GRIA2: variants seen among roughly 807,000 people sequenced by gnomAD.
GRIA2 encodes the protein glutamate receptor 2.
GRIA2 carries 14 observed loss-of-function variants against 97.3 expected under a neutral mutation model. That is an observed-to-expected ratio of 0.14 (90% CI 0.10 to 0.23). The LOEUF is 0.23. Among genes scored for constraint, GRIA2 ranks in the 10% least tolerant of loss-of-function variants. The pLI, the probability that GRIA2 is intolerant of heterozygous loss-of-function variation, is 1.00. For missense variants in GRIA2, 558 were observed against 1,069.8 expected (o/e 0.52, Z 6.67); for synonymous variants, 412 against 387.8 (o/e 1.06, Z -0.73).
intron 2 of GRIA2, among the ~76,000 whole-genome samples, chr4:157,298,358 T>G (rs1471335380): frequency 6.6e-6 from 1 of 152,010 alleles, no homozygotes; most frequent in African/African-American, 2.4e-5. Context: ...AGAATAAAAT[T>G]TAAATGGTGA....
chr4:157,323,191 C>T (rs1734655130), intron 6 of GRIA2, among the ~76,000 whole-genome samples: 1 of 151,484 alleles, frequency 6.6e-6, no homozygotes, highest in South Asian at 2.1e-4. Flanking sequence ...AAAAATTAGC[C>T]GGGCGTGGTG....
intron 2 of GRIA2, among the ~76,000 whole-genome samples, chr4:157,228,881 A>G (rs1729875674): frequency 1.3e-5 from 2 of 148,742 alleles, no homozygotes; most frequent in Non-Finnish European, 3.0e-5. Context: ...CCTTGTTACA[A>G]GTGGGTAGAA....
rs1208803109 is a variant in GRIA2, at chr4:157,354,097, A to G, written c.2044-5799A>G. Among the ~76,000 whole-genome samples the G allele has an allele frequency of 4.6e-5, 7 of 152,334 alleles. No individual in the cohort carries two copies. In the East Asian group the frequency reaches 1.4e-3, roughly 29 times the overall value. On this transcript the variant is annotated intron_variant, in intron 12 of 15. Coordinates refer to ENST00000264426, the MANE Select transcript of GRIA2 (RefSeq NM_001083619.3). Reference sequence around the variant, plus strand: ...GACAGTTTGAATACAAATTCTTTTAATCCAAAAACTGAAACATGACATTTT... The same window carrying G: ...GACAGTTTGAATACAAATTCTTTTAGTCCAAAAACTGAAACATGACATTTT...
At chr4:157,300,085 A>G (rs1468410070) in intron 2 of GRIA2, among the ~76,000 whole-genome samples, 1 of 151,966 alleles carries the variant, frequency 6.6e-6, no homozygotes, top group Non-Finnish European at 1.5e-5. Flanking sequence ...GTTATTTCTG[A>G]TAGTCTCGGT....
chr4:157,284,403 G>T (rs1732746249), intron 2 of GRIA2, among the ~76,000 whole-genome samples: 1 of 151,610 alleles, frequency 6.6e-6, no homozygotes, highest in South Asian at 2.1e-4. Flanking sequence ...CTTTAATCAG[G>T]TTTTCATATG....
chr4:157,240,640 G>A (rs934700200), intron 2 of GRIA2, among the ~76,000 whole-genome samples: 24 of 151,384 alleles, frequency 1.6e-4, no homozygotes, highest in Non-Finnish European at 2.8e-4. Flanking sequence ...GTCTGAACCC[G>A]TCGATTTTAA....
At chr4:157,311,561 G>A (rs1204308384) in intron 3 of GRIA2, among the ~76,000 whole-genome samples, 1 of 151,780 alleles carries the variant, frequency 6.6e-6, no homozygotes, top group Non-Finnish European at 1.5e-5. Flanking sequence ...CTTTTTCATA[G>A]CAAAAAGATT....
At chr4:157,330,580 A>G (rs1189598144) in intron 6 of GRIA2, among the ~76,000 whole-genome samples, 4 of 151,900 alleles carry the variant, frequency 2.6e-5, no homozygotes, top group African/African-American at 7.2e-5. Context: ...GTTTTCTGGT[A>G]TCAGAGATCA....
At chr4:157,317,466 A>G (rs1734373078) in intron 4 of GRIA2, among the ~76,000 whole-genome samples, 192 bp from the exon 5 acceptor site, 1 of 152,072 alleles carries the variant, frequency 6.6e-6, no homozygotes, top group Admixed American at 6.5e-5. Flanking sequence ...GTTAATATGT[A>G]TTATTACTTT....
intron 2 of GRIA2, among the ~76,000 whole-genome samples, chr4:157,291,662 A>G (rs187198769): frequency 6.6e-6 from 1 of 152,152 alleles, no homozygotes; most frequent in African/African-American, 2.4e-5. Flanking sequence ...TCCCATATTA[A>G]TGGTATACTT....
chr4:157,355,915 T>TAATATATTTATATATAAATATATATATC (rs1736288411), intron 12 of GRIA2, among the ~76,000 whole-genome samples: 1 of 44,842 alleles, frequency 2.2e-5, no homozygotes, highest in African/African-American at 5.6e-5. Context: ...ATATATATAT[T>TAATATATTTATATATAAATATATATATC]AATATATTTA....
chr4:157,222,533 G>T (rs1410108684), intron 2 of GRIA2, among the ~76,000 whole-genome samples: 1 of 152,118 alleles, frequency 6.6e-6, no homozygotes, highest in South Asian at 2.1e-4. Flanking sequence ...GCTCAGTTGC[G>T]CTTCCGCTTA....
At chr4:157,269,496 T>C (rs761563955) in intron 2 of GRIA2, among the ~76,000 whole-genome samples, 2 of 152,070 alleles carry the variant, frequency 1.3e-5, no homozygotes, top group Admixed American at 1.3e-4. Context: ...GGTAGGTAAC[T>C]TGGCCAAGAT....
chr4:157,296,611 C>T (rs1454388929), intron 2 of GRIA2, among the ~76,000 whole-genome samples: 1 of 152,000 alleles, frequency 6.6e-6, no homozygotes, highest in Non-Finnish European at 1.5e-5. Flanking sequence ...TTAATAGCCC[C>T]ATTCAATAGA....
At chr4:157,320,637 A>C (rs1332985499) in intron 5 of GRIA2, among the ~76,000 whole-genome samples, 1 of 152,088 alleles carries the variant, frequency 6.6e-6, no homozygotes, top group Non-Finnish European at 1.5e-5. Flanking sequence ...AGATTCTCCT[A>C]AGTTTTGGGG....
At chr4:157,240,676 T>C (rs1322055511) in intron 2 of GRIA2, among the ~76,000 whole-genome samples, 3 of 152,026 alleles carry the variant, frequency 2.0e-5, no homozygotes, top group Non-Finnish European at 2.9e-5. Flanking sequence ...TCTGATTTTC[T>C]CTAGAGCACC....
chr4:157,327,511 A>G (rs1734857090), intron 6 of GRIA2, among the ~76,000 whole-genome samples: 1 of 152,162 alleles, frequency 6.6e-6, no homozygotes, highest in African/African-American at 2.4e-5. Context: ...ATTTTTTTAA[A>G]GAGAAAGAGT....
intron 4 of GRIA2, among the ~76,000 whole-genome samples, chr4:157,313,490 G>T (rs1042672230): frequency 1.3e-5 from 2 of 152,080 alleles, no homozygotes; most frequent in Non-Finnish European, 2.9e-5. Context: ...ACTGACACCA[G>T]TGATAAGGAT....
chr4:157,253,024 A>AT, intron 2 of GRIA2, among the ~76,000 whole-genome samples: 1 of 152,022 alleles, frequency 6.6e-6, no homozygotes, highest in East Asian at 1.9e-4. Context: ...CCATGTAGTT[A>AT]TTTTTCACAA....
Sources: allele counts gnomAD v4.1 joint callset (sites outside exome capture counted in the v4.1 genomes callset), GRCh38; gene constraint gnomAD v4.1.1; transcripts MANE v1.5; gene names NCBI Gene and HGNC (gene_info 2026-07-23, HGNC 2026-07-21).